Variants in RCSD1 observed in about 807,000 individuals in gnomAD.
RCSD1 encodes capZ-interacting protein.
RCSD1 carries 26 observed loss-of-function variants against 42.5 expected under a neutral mutation model. The ratio of observed to expected loss-of-function variants is 0.61; its 90% CI spans 0.45 to 0.85. The LOEUF (loss-of-function observed/expected upper bound fraction) is 0.85, where lower values mean the gene tolerates loss of function less well. Ranked by LOEUF, RCSD1 falls within the 40% of genes least tolerant of loss-of-function variation. The probability of loss-of-function intolerance (pLI) is 0.00; values close to 1 mark genes in which losing one functional copy is unlikely to be tolerated. For synonymous variants in RCSD1, 220 were observed against 212.2 expected, an observed-to-expected ratio of 1.04 and a Z score of -0.32; for missense variants, 571 against 528.3, an observed-to-expected ratio of 1.08 and a Z score of -0.79.
chr1:167,692,129 T>G (rs551543543), intron 4 of RCSD1, among the ~76,000 whole-genome samples: 36 of 152,296 alleles, frequency 2.4e-4, no homozygotes, highest in African/African-American at 8.2e-4. Context: ...TTGTTCAATC[T>G]CATTAAGATT....
chr1:167,668,400 C>T (rs565647943), intron 1 of RCSD1, among the ~76,000 whole-genome samples: 1 of 152,162 alleles, frequency 6.6e-6, no homozygotes, highest in South Asian at 2.1e-4. Flanking sequence ...CCCTTGGCTA[C>T]CTCTGGCCAC....
In RCSD1 at chr1:167,661,322, T is replaced by G. The variant is rs577143546; in HGVS notation, c.7-22578T>G. Reference sequence around the variant, plus strand: ...TAGACCCTGCACTTCTAACTCCACATCCTCCCCTGGTGGAGTCCCTGGTTG... The same window carrying G: ...TAGACCCTGCACTTCTAACTCCACAGCCTCCCCTGGTGGAGTCCCTGGTTG... On this transcript the variant is annotated intron_variant, in intron 1 of 6. Transcript: ENST00000367854. 2.5e-3 allele frequency among the ~76,000 whole-genome samples: 380 copies of G among 151,320 alleles called. 1 individual carries two copies. The highest frequency in any genetic ancestry group is 4.1e-3 in the Non-Finnish European group (281 of 67,858).
intron 1 of RCSD1, among the ~76,000 whole-genome samples, chr1:167,661,748 G>A (rs938783756): frequency 1.3e-5 from 2 of 152,356 alleles, no homozygotes; most frequent in South Asian, 2.1e-4. Flanking sequence ...TACACAAGGA[G>A]CAGATTGGCC....
chr1:167,665,228 C>A (rs943150761), intron 1 of RCSD1, among the ~76,000 whole-genome samples: 3 of 152,158 alleles, frequency 2.0e-5, no homozygotes, highest in Non-Finnish European at 4.4e-5. Context: ...GAAGTCATTT[C>A]TGTCTGACCT....
At chr1:167,694,340 G>GA in intron 5 of RCSD1, 38 bp downstream of exon 5, 1 of 1,583,308 alleles carries the variant, frequency 6.3e-7, no homozygotes, top group Non-Finnish European at 8.6e-7. Flanking sequence ...TGTGTCTGTG[G>GA]AAATGTGGGC....
rs1211369696 is a variant in RCSD1, at chr1:167,705,832, C to T, written c.*1136C>T. ...GCAAGGGACAGGGGGCCTGACTACC[C>T]AGTCTTTGACTTGTATCCTCTCCCC... On this transcript the variant is annotated 3_prime_UTR_variant, in exon 7 of 7. Transcript: ENST00000367854. The T allele has an allele frequency of 6.6e-6, 1 of 152,188 alleles. No individual in the cohort carries two copies. Among genetic ancestry groups the T allele is most frequent in the Non-Finnish European group, 1.5e-5 (1 of 68,034 alleles). The allele number at this position is 152,188 out of a possible 1,614,324, so 9.4% of individuals were successfully genotyped here. A position where few individuals can be genotyped will look rare whatever the true frequency, so the allele number is the denominator to read the frequency against.
At chr1:167,689,450 C>T (rs1659320035) in intron 3 of RCSD1, among the ~76,000 whole-genome samples, 1 of 148,774 alleles carries the variant, frequency 6.7e-6, no homozygotes, top group Admixed American at 6.7e-5. Flanking sequence ...CCATTGCACT[C>T]CAGATTGAGG....
rs564119200 is a variant in RCSD1, at chr1:167,681,331, C to T, written c.7-2569C>T. On this transcript the variant is annotated intron_variant, in intron 1 of 6. Transcript: ENST00000367854. ...GGGTTTAATGTGCCTGGAGGGCAGACGGTAATAATCAATCAGTCTTCTGCA... is the reference window on the plus strand; with the variant it reads ...GGGTTTAATGTGCCTGGAGGGCAGATGGTAATAATCAATCAGTCTTCTGCA... Among the ~76,000 whole-genome samples, 68 of 152,204 alleles carry T rather than the reference C, an allele frequency of 4.5e-4. 1 individual carries two copies. Among genetic ancestry groups the T allele is most frequent in the Admixed American group, 1.9e-3 (29 of 15,284 alleles).
intron 1 of RCSD1, among the ~76,000 whole-genome samples, chr1:167,661,927 G>A (rs537737463): frequency 1.3e-5 from 2 of 152,280 alleles, no homozygotes; most frequent in South Asian, 4.2e-4. Context: ...ACCCTTCTTG[G>A]GTTTCCCATG....
At chr1:167,653,241 A>G (rs1658352620) in intron 1 of RCSD1, among the ~76,000 whole-genome samples, 1 of 152,212 alleles carries the variant, frequency 6.6e-6, no homozygotes, top group African/African-American at 2.4e-5. Context: ...ATGCTTTGGA[A>G]GTTTATCTCC....
chr1:167,693,798 C>G (rs1414283579), intron 4 of RCSD1, among the ~76,000 whole-genome samples: 1 of 152,188 alleles, frequency 6.6e-6, no homozygotes, highest in Non-Finnish European at 1.5e-5. Flanking sequence ...GCAGTTGCTG[C>G]TTCGCCACTT....
At position 167,659,795 on chromosome 1, in the gene RCSD1, T is replaced by A. The variant is rs192902679; in HGVS notation, c.7-24105T>A. On this transcript the variant is annotated intron_variant, in intron 1 of 6. Coordinates refer to ENST00000367854, the MANE Select transcript of RCSD1 (RefSeq NM_052862.4). ...CTTCCATTTTCTCAGCTCTCTTCTA[T>A]ATTTTGCCCTTCTCTCTGGTGGGAT... Among the ~76,000 whole-genome samples the A allele has an allele frequency of 2.2e-3, 333 of 152,294 alleles. 2 individuals carry two copies. The highest frequency in any genetic ancestry group is 7.7e-3 in the African/African-American group (321 of 41,566).
chr1:167,686,357 T>C (rs951295973), intron 3 of RCSD1, among the ~76,000 whole-genome samples: 5 of 152,222 alleles, frequency 3.3e-5, no homozygotes, highest in African/African-American at 1.2e-4. Flanking sequence ...ATCCTGACAA[T>C]AGCCATTAGG....
At position 167,638,462 on chromosome 1, in the gene RCSD1, C is replaced by T. The variant is rs569277279; in HGVS notation, c.6+8033C>T. On this transcript the variant is annotated intron_variant, in intron 1 of 6. Coordinates refer to ENST00000367854, the MANE Select transcript of RCSD1 (RefSeq NM_052862.4). ...TAGAAGGTAATTACCAACCTTCTAACATTTGAACCTACCCTATCCGGTGGG... is the reference window on the plus strand; with the variant it reads ...TAGAAGGTAATTACCAACCTTCTAATATTTGAACCTACCCTATCCGGTGGG... 303 of 152,344 alleles carry T rather than the reference C, an allele frequency of 2.0e-3. 4 individuals carry two copies. The highest frequency in any genetic ancestry group is 0.014 in the Middle Eastern group (4 of 294). The allele number at this position is 152,344 out of a possible 1,614,324, so 9.4% of individuals were successfully genotyped here.
chr1:167,653,544 C>T lies in RCSD1; in HGVS notation c.6+23115C>T, dbSNP rs114881862. Among the ~76,000 whole-genome samples, 395 of 152,320 alleles carry T rather than the reference C, an allele frequency of 2.6e-3. 2 individuals are homozygous for T. Among genetic ancestry groups the T allele is most frequent in the African/African-American group, 8.9e-3 (368 of 41,562 alleles). ...AGACAGAGCCTCAGTCTTTATCCAG[C>T]GGCTGATGTCTTTAAACCCACAAAT... is the stretch of plus-strand genomic sequence containing the variant. On this transcript the variant is annotated intron_variant, in intron 1 of 6. Transcript: ENST00000367854.
At chr1:167,659,229 T>C (rs1186961669) in intron 1 of RCSD1, among the ~76,000 whole-genome samples, 1 of 152,210 alleles carries the variant, frequency 6.6e-6, no homozygotes, top group African/African-American at 2.4e-5. Flanking sequence ...ATTGCCTATT[T>C]ATATCCTTTG....
At chr1:167,692,122 T>C (rs980889925) in intron 4 of RCSD1, among the ~76,000 whole-genome samples, 4 of 152,236 alleles carry the variant, frequency 2.6e-5, no homozygotes, top group African/African-American at 9.6e-5. Flanking sequence ...TGTCTAGTTG[T>C]TCAATCTCAT....
intron 6 of RCSD1, among the ~76,000 whole-genome samples, chr1:167,703,637 AC>A (rs1659692036): frequency 6.6e-6 from 1 of 151,948 alleles, no homozygotes; most frequent in East Asian, 1.9e-4. Context: ...CCTATCCCAA[AC>A]CCTTTGATAC....
chr1:167,702,665 G>T (rs1160072911), intron 6 of RCSD1, among the ~76,000 whole-genome samples: 1 of 152,196 alleles, frequency 6.6e-6, no homozygotes, highest in African/African-American at 2.4e-5. Context: ...TGTAATCCCA[G>T]CTATGCAGGA....
Sources: gnomAD v4.1 joint callset for allele counts (sites outside exome capture counted in the v4.1 genomes callset) on GRCh38, gnomAD v4.1.1 for gene constraint, MANE v1.5 for transcripts, NCBI Gene and HGNC (gene_info 2026-07-23, HGNC 2026-07-21) for gene names.